The following GSE1 variants were observed in gnomAD, a reference collection of about 807,000 sequenced individuals.
GSE1 encodes Gse1 coiled-coil protein.
GSE1 carries 32 observed loss-of-function variants against 112.6 expected under a neutral mutation model. The observed-to-expected ratio is 0.28, with a 90% CI of 0.21 to 0.38. The LOEUF (loss-of-function observed/expected upper bound fraction) is 0.38, where lower values mean the gene tolerates loss of function less well. GSE1 is among the 10% of genes least tolerant of loss of function. The probability of loss-of-function intolerance (pLI) is 1.00; values close to 1 mark genes in which losing one functional copy is unlikely to be tolerated. For missense variants in GSE1, 2,348 were observed against 1,699.2 expected (o/e 1.38, Z -6.71); for synonymous variants, 1,115 against 735.6 (o/e 1.52, Z -8.35).
intron 1 of GSE1, among the ~76,000 whole-genome samples, chr16:85,357,101 C>G (rs1174799900): frequency 6.6e-6 from 1 of 152,208 alleles, no homozygotes; most frequent in Non-Finnish European, 1.5e-5. Flanking sequence ...GACCTTTGGG[C>G]TTAGCCTCAG....
Position 85,193,806 on chromosome 16 carries a change from G to GA in GSE1, c.2283+21999_2283+22000insA, listed in dbSNP as rs371822103. Among the ~76,000 whole-genome samples, 137 of 152,302 alleles carry GA rather than the reference G, an allele frequency of 9.0e-4. No individual in the cohort carries two copies. In the Middle Eastern group the frequency reaches 0.014, roughly 15 times the overall value. On this transcript the variant is annotated intron_variant, in intron 1 of 2. Transcript: ENST00000637419. The stretch of plus-strand genomic sequence containing the variant: ...TGAGATAATTGTAGATTGACCTGCA[G>GA]TTGTGAGAAATAATGAAGAGCCAGT...
intron 1 of GSE1, among the ~76,000 whole-genome samples, chr16:85,222,923 TA>T (rs2075419102): frequency 6.6e-6 from 1 of 152,150 alleles, no homozygotes; most frequent in South Asian, 2.1e-4. Flanking sequence ...AAGAGGAACA[TA>T]AAAATTGAAA....
Position 85,270,148 on chromosome 16 carries a change from A to G in GSE1, c.2284-87315A>G, listed in dbSNP as rs1002645789. 3.4e-5 allele frequency among the ~76,000 whole-genome samples: 5 copies of G among 148,888 alleles called. 1 individual carries two copies. Among genetic ancestry groups the G allele is most frequent in the Non-Finnish European group, 7.6e-5 (5 of 66,078 alleles). ...TCTGGGGTCACACTGGCCAGAAGGGACTGGACAGACGCTCAGTGGTAACCT... is the reference window on the plus strand; with the variant it reads ...TCTGGGGTCACACTGGCCAGAAGGGGCTGGACAGACGCTCAGTGGTAACCT... On this transcript the variant is annotated intron_variant, in intron 1 of 2. Coordinates refer to the GSE1 transcript ENST00000637419.
chr16:85,611,812 G>A (rs1472346870), upstream of GSE1, among the ~76,000 whole-genome samples: 1 of 151,862 alleles, frequency 6.6e-6, no homozygotes, highest in Non-Finnish European at 1.5e-5. Context: ...TGGATGGGGG[G>A]TGGCAGGCGC....
chr16:85,233,646 TGGG>T (rs147897895), intron 1 of GSE1, among the ~76,000 whole-genome samples: 1 of 152,008 alleles, frequency 6.6e-6, no homozygotes, highest in Non-Finnish European at 1.5e-5. Flanking sequence ...TGTGTGTGGA[TGGG>T]GGGTGTGCGT....
At chr16:85,433,588 CTGGATGGATGGATGGATGGATGGATGGA>C (rs57012969) in intron 2 of GSE1, among the ~76,000 whole-genome samples, 5 of 150,180 alleles carry the variant, frequency 3.3e-5, no homozygotes, top group Admixed American at 2.7e-4. Flanking sequence ...GAGAAGGATC[CTGGATGGATGGATGGATGGATGGATGGA>C]TGGATGGATG....
At chr16:85,449,891 G>C (rs2049626302) in intron 2 of GSE1, among the ~76,000 whole-genome samples, 1 of 152,208 alleles carries the variant, frequency 6.6e-6, no homozygotes, top group Admixed American at 6.5e-5. Context: ...ACAGAAAGTT[G>C]TGCTGTGCCT....
chr16:85,368,186 G>A (rs528398037), intron 2 of GSE1, among the ~76,000 whole-genome samples: 24 of 152,250 alleles, frequency 1.6e-4, no homozygotes, highest in African/African-American at 4.3e-4. Context: ...GCGTCTTCCC[G>A]AGTTTCCTGG....
At chr16:85,425,336 CCCA>C (rs2048948318) in intron 2 of GSE1, among the ~76,000 whole-genome samples, 1 of 44,744 alleles carries the variant, frequency 2.2e-5, no homozygotes, top group Non-Finnish European at 8.9e-5. Context: ...AGGAAGCAGC[CCCA>C]CCCCCAGGGC....
Position 85,653,169 on chromosome 16 carries a change from C to T in GSE1, c.427-1109C>T, listed in dbSNP as rs147622083. Among the ~76,000 whole-genome samples the T allele has an allele frequency of 1.4e-3, 182 of 128,550 alleles. 2 individuals are homozygous for T. The highest frequency in any genetic ancestry group is 3.6e-3 in the East Asian group (15 of 4,164). 84.3% of individuals were successfully genotyped at this position (128,550 alleles called of 152,430 possible). A position where few individuals can be genotyped will look rare whatever the true frequency, so the allele number is the denominator to read the frequency against. On this transcript the variant is annotated intron_variant, in intron 3 of 15. Transcript: ENST00000253458. The stretch of plus-strand genomic sequence containing the variant: ...TCCAGAGCACAGCCCCCATCTGGGC[C>T]GCCCTGAGGCTCCCTCCGCCCCCCT...
intron 13 of GSE1, among the ~76,000 whole-genome samples, chr16:85,667,579 C>T (rs928698660): frequency 1.4e-4 from 21 of 152,174 alleles, no homozygotes; most frequent in African/African-American, 2.4e-4. Context: ...TGGAGGCAGC[C>T]GGGCGCAGTG....
chr16:85,551,114 G>C (rs1406121618), upstream of GSE1, among the ~76,000 whole-genome samples: 1 of 152,184 alleles, frequency 6.6e-6, no homozygotes, highest in South Asian at 2.1e-4. Context: ...GGTCTGGGTG[G>C]TCCAGCCTGC....
chr16:85,599,474 A>G (rs539920891), intron 1 of GSE1, among the ~76,000 whole-genome samples: 113 of 152,330 alleles, frequency 7.4e-4, no homozygotes, highest in Middle Eastern at 3.4e-3. Context: ...GGGTGGTGAC[A>G]CGGGACCAGC....
intron 1 of GSE1, among the ~76,000 whole-genome samples, chr16:85,205,049 G>A (rs908506623): frequency 3.6e-4 from 44 of 120,774 alleles, no homozygotes; most frequent in Non-Finnish European, 5.1e-4. Context: ...GTACACGTAC[G>A]TCTTGGCTCA....
chr16:85,554,802 G>A (rs1230096353), upstream of GSE1: 1 of 806,648 alleles, frequency 1.2e-6, no homozygotes, highest in African/African-American at 1.9e-5. Flanking sequence ...AGGACGGACG[G>A]GCGGGCGGGC....
At chr16:85,435,586 C>CT (rs1358074043) in intron 2 of GSE1, among the ~76,000 whole-genome samples, 11 of 152,118 alleles carry the variant, frequency 7.2e-5, no homozygotes, top group Admixed American at 6.5e-4. Flanking sequence ...TGCTTTCCTG[C>CT]TGCCCCTGCA....
intron 11 of GSE1, among the ~76,000 whole-genome samples, chr16:85,664,042 G>T (rs1420445847): frequency 1.3e-5 from 2 of 152,262 alleles, no homozygotes; most frequent in Admixed American, 1.3e-4. Flanking sequence ...GGGCTGCCAA[G>T]CAGGGCAGCA....
intron 1 of GSE1, among the ~76,000 whole-genome samples, chr16:85,179,949 A>G (rs77951746): frequency 0.015 from 2,358 of 152,236 alleles, 200 homozygotes; most frequent in Admixed American, 0.14. Context: ...ATGATAGACT[A>G]TTAGCTGAGC....
At chr16:85,346,280 G>T (rs1161855633) in intron 1 of GSE1, among the ~76,000 whole-genome samples, 1 of 151,498 alleles carries the variant, frequency 6.6e-6, no homozygotes, top group African/African-American at 2.4e-5. Flanking sequence ...GATAGATGAT[G>T]GACAGATGGA....
Sources: gnomAD v4.1 joint callset for allele counts (sites outside exome capture counted in the v4.1 genomes callset) on GRCh38, gnomAD v4.1.1 for gene constraint, MANE v1.5 for transcripts, NCBI Gene and HGNC (gene_info 2026-07-23, HGNC 2026-07-21) for gene names.